Variants in PRKCE observed in about 807,000 individuals in gnomAD.
PRKCE encodes protein kinase C epsilon, also known as protein kinase C epsilon type.
Under a neutral mutation model 85.4 loss-of-function variants are expected in PRKCE, and 16 were observed. The observed-to-expected ratio is 0.19, with a 90% CI of 0.13 to 0.28. PRKCE has a LOEUF of 0.28. PRKCE is among the 10% of genes least tolerant of loss of function. The probability of loss-of-function intolerance (pLI) is 1.00; values close to 1 mark genes in which losing one functional copy is unlikely to be tolerated. For synonymous variants in PRKCE, 388 were observed against 371.5 expected, an observed-to-expected ratio of 1.04 and a Z score of -0.51; for missense variants, 573 against 975.2, an observed-to-expected ratio of 0.59 and a Z score of 5.49.
intron 1 of PRKCE, among the ~76,000 whole-genome samples, chr2:45,667,829 C>G (rs1334181573): frequency 1.3e-5 from 2 of 151,938 alleles, no homozygotes; most frequent in East Asian, 3.8e-4. Flanking sequence ...GCAGCACAAC[C>G]ACCAGATATG....
intron 10 of PRKCE, among the ~76,000 whole-genome samples, chr2:46,063,945 G>C (rs1265262471): frequency 6.6e-6 from 1 of 152,072 alleles, no homozygotes; most frequent in Non-Finnish European, 1.5e-5. Context: ...CAGGTGTTAG[G>C]CCTCACATCT....
chr2:46,083,716 C>T (rs80085185), intron 10 of PRKCE, among the ~76,000 whole-genome samples: 1 of 152,136 alleles, frequency 6.6e-6, no homozygotes, highest in African/African-American at 2.4e-5. Flanking sequence ...AGACTCCGCC[C>T]CAGATCTTCT....
At chr2:45,916,667 G>A (rs1260237113) in intron 2 of PRKCE, among the ~76,000 whole-genome samples, 1 of 152,140 alleles carries the variant, frequency 6.6e-6, no homozygotes, top group Non-Finnish European at 1.5e-5. Context: ...TGATCTCTTA[G>A]ATTACAGTAC....
chr2:45,833,182 A>G (rs1573537458), intron 1 of PRKCE, among the ~76,000 whole-genome samples: 1 of 152,144 alleles, frequency 6.6e-6, no homozygotes, highest in East Asian at 1.9e-4. Context: ...AAATAACTGA[A>G]TATTTTTTGT....
intron 11 of PRKCE, among the ~76,000 whole-genome samples, chr2:46,089,471 C>A (rs893642087): frequency 1.3e-5 from 2 of 152,192 alleles, no homozygotes; most frequent in African/African-American, 4.8e-5. Context: ...CATCCACCTC[C>A]CCTCAATGGC....
At chr2:45,691,858 G>C (rs1015709523) in intron 1 of PRKCE, among the ~76,000 whole-genome samples, 11 of 152,318 alleles carry the variant, frequency 7.2e-5, no homozygotes, top group African/African-American at 2.6e-4. Flanking sequence ...ATTTCCATGA[G>C]GCATGGGAAG....
intron 10 of PRKCE, among the ~76,000 whole-genome samples, chr2:46,020,447 T>C (rs1211969806): frequency 6.6e-6 from 1 of 152,118 alleles, no homozygotes; most frequent in African/African-American, 2.4e-5. Flanking sequence ...TATAATCTAA[T>C]GTATACAGGT....
At chr2:46,131,906 C>A (rs1273698475) in intron 11 of PRKCE, among the ~76,000 whole-genome samples, 1 of 152,172 alleles carries the variant, frequency 6.6e-6, no homozygotes, top group Non-Finnish European at 1.5e-5. Context: ...ATTCACTGGG[C>A]AGACCCTGAT....
intron 10 of PRKCE, 81 bp downstream of exon 10, chr2:46,010,598 A>G (rs1450686527): frequency 1.9e-6 from 3 of 1,598,902 alleles, no homozygotes; most frequent in East Asian, 4.5e-5. Context: ...GACCCTCTAC[A>G]TTGTTCTCTC....
chr2:46,032,516 G>T (rs1177320788), intron 10 of PRKCE, among the ~76,000 whole-genome samples: 3 of 152,114 alleles, frequency 2.0e-5, no homozygotes, highest in Non-Finnish European at 4.4e-5. Context: ...CTTCCCGCTG[G>T]TTGTCCCCAG....
chr2:45,942,666 G>A (rs928207254), intron 2 of PRKCE, among the ~76,000 whole-genome samples: 8 of 152,128 alleles, frequency 5.3e-5, no homozygotes, highest in African/African-American at 1.9e-4. Context: ...TCTCTTTCCT[G>A]TGCTTTGTTG....
intron 2 of PRKCE, among the ~76,000 whole-genome samples, chr2:45,901,576 G>A (rs1696585184): frequency 6.6e-6 from 1 of 152,234 alleles, no homozygotes; most frequent in African/African-American, 2.4e-5. Flanking sequence ...AAAGCTGTGA[G>A]TGTAAAGTTT....
chr2:45,984,721 C>G (rs748534786), intron 6 of PRKCE, 41 bp downstream of exon 6: 3 of 1,573,854 alleles, frequency 1.9e-6, no homozygotes, highest in Non-Finnish European at 1.7e-6. Flanking sequence ...CTGCATGTCC[C>G]CTTCCTTGCT....
At chr2:46,079,184 A>T (rs944411458) in intron 10 of PRKCE, among the ~76,000 whole-genome samples, 7 of 151,680 alleles carry the variant, frequency 4.6e-5, no homozygotes, top group African/African-American at 1.7e-4. Context: ...TCAAAAAAAA[A>T]AAAAAAAAGA....
intron 11 of PRKCE, among the ~76,000 whole-genome samples, chr2:46,133,761 G>T (rs72808768): frequency 0.028 from 4,258 of 152,254 alleles, 79 homozygotes; most frequent in Non-Finnish European, 0.042. Flanking sequence ...GAACACGAAG[G>T]CACCATGTCT....
intron 2 of PRKCE, among the ~76,000 whole-genome samples, chr2:45,900,791 A>C (rs2103712277): frequency 6.6e-6 from 1 of 152,366 alleles, no homozygotes; most frequent in African/African-American, 2.4e-5. Context: ...CCACTGTAAA[A>C]ATCTTTTTAA....
rs1675351774 is a variant in PRKCE at position 46,139,961 on chromosome 2, T to C, written c.1593-5132T>C. On this transcript the variant is annotated intron_variant, in intron 11 of 14. Transcript: ENST00000306156. This position sits in a 1 kb window ranked among gnomAD's most constrained non-coding sequence, Gnocchi z 5.2. ...CAAAGGAAGAAAGTGAGAATAGATA[T>C]TGGGACAACCAGAAATCTGCCATAA... 6.6e-6 allele frequency among the ~76,000 whole-genome samples: 1 copy of C among 152,076 alleles called. No individual in the cohort carries two copies. Among genetic ancestry groups the C allele is most frequent in the Non-Finnish European group, 1.5e-5 (1 of 68,024 alleles).
Position 45,684,904 on chromosome 2 carries a change from G to A in PRKCE, c.348+32456G>A, listed in dbSNP as rs74718028. On this transcript the variant is annotated intron_variant, in intron 1 of 14. Transcript: ENST00000306156. ...GGGGGCTGGCAGTGTGCACCAGAAA[G>A]AGGAAACAGAAGGTAGACTCCCAGG... Among the ~76,000 whole-genome samples, 574 of 152,318 alleles carry A rather than the reference G, an allele frequency of 3.8e-3. 5 individuals are homozygous for A. Among genetic ancestry groups the A allele is most frequent in the Middle Eastern group, 6.8e-3 (2 of 294 alleles).
intron 11 of PRKCE, among the ~76,000 whole-genome samples, chr2:46,113,033 G>A (rs991783401): frequency 6.6e-6 from 1 of 152,166 alleles, no homozygotes; most frequent in African/African-American, 2.4e-5. Context: ...ATAGGACAAT[G>A]CATCAAAGTA....
Sources: allele counts gnomAD v4.1 joint callset (sites outside exome capture counted in the v4.1 genomes callset), GRCh38; gene constraint gnomAD v4.1.1; non-coding constraint Gnocchi (gnomAD v3.1); transcripts MANE v1.5; gene names NCBI Gene and HGNC (gene_info 2026-07-23, HGNC 2026-07-21).